TTC29: variants seen among roughly 807,000 people sequenced by gnomAD.
The protein encoded by TTC29 is tetratricopeptide repeat protein 29.
TTC29 carries 49 observed loss-of-function variants against 58.1 expected under a neutral mutation model. That is an observed-to-expected ratio of 0.84 (90% CI 0.67 to 1.07). The LOEUF is 1.07. Ranked by LOEUF, TTC29 falls within the 50% of genes least tolerant of loss-of-function variation. The pLI is 0.00. For missense variants in TTC29, 582 were observed against 555.6 expected, an observed-to-expected ratio of 1.05 and a Z score of -0.48; for synonymous variants, 209 against 196.8, an observed-to-expected ratio of 1.06 and a Z score of -0.52.
At chr4:146,932,260 G>T (rs1038854213) in intron 4 of TTC29, among the ~76,000 whole-genome samples, 2 of 152,124 alleles carry the variant, frequency 1.3e-5, no homozygotes, top group African/African-American at 4.8e-5. Context: ...GGAAACAGGG[G>T]TTCTTCCTTC....
intron 11 of TTC29, among the ~76,000 whole-genome samples, chr4:146,741,117 TAG>T (rs1474792308): frequency 3.9e-5 from 6 of 152,170 alleles, no homozygotes; most frequent in Admixed American, 3.3e-4. Flanking sequence ...TACTTTGCCT[TAG>T]AAATAGAAGA....
At chr4:146,751,854 A>G (rs1007763460) in intron 11 of TTC29, among the ~76,000 whole-genome samples, 3 of 152,188 alleles carry the variant, frequency 2.0e-5, no homozygotes, top group Non-Finnish European at 4.4e-5. Context: ...AAATAAATCA[A>G]ATACAAAATA....
chr4:146,889,226 C>G (rs1166973272), intron 6 of TTC29, among the ~76,000 whole-genome samples: 3 of 152,034 alleles, frequency 2.0e-5, no homozygotes, highest in African/African-American at 7.2e-5. Context: ...TATTGTCTAC[C>G]TCATTAATAG....
intron 11 of TTC29, among the ~76,000 whole-genome samples, chr4:146,784,881 G>T (rs1311957871): frequency 6.6e-6 from 1 of 152,048 alleles, no homozygotes; most frequent in Non-Finnish European, 1.5e-5. Flanking sequence ...TCTACCAAAT[G>T]ATATTTCTTT....
At chr4:146,883,042 C>T (rs1304082330) in intron 6 of TTC29, among the ~76,000 whole-genome samples, 1 of 151,990 alleles carries the variant, frequency 6.6e-6, no homozygotes, top group Non-Finnish European at 1.5e-5. Context: ...GATGAGGAAA[C>T]TGAGCCTCAG....
chr4:146,868,765 G>C (rs958180186), intron 7 of TTC29, among the ~76,000 whole-genome samples: 1 of 152,116 alleles, frequency 6.6e-6, no homozygotes, highest in Non-Finnish European at 1.5e-5. Flanking sequence ...TGGAAAGCAA[G>C]TGATACGGTT....
intron 2 of TTC29, among the ~76,000 whole-genome samples, chr4:146,944,773 G>A (rs1219888666): frequency 6.6e-6 from 1 of 151,400 alleles, no homozygotes; most frequent in African/African-American, 2.4e-5. Flanking sequence ...AAAGTTTAAT[G>A]AAAACTACAG....
intron 6 of TTC29, among the ~76,000 whole-genome samples, chr4:146,875,731 T>C (rs2150224261): frequency 6.6e-6 from 1 of 152,322 alleles, no homozygotes; most frequent in Non-Finnish European, 1.5e-5. Flanking sequence ...TATATGCTGT[T>C]TAGTTTTGGA....
At chr4:146,792,703 A>T (rs1004071023) in intron 11 of TTC29, among the ~76,000 whole-genome samples, 7 of 152,228 alleles carry the variant, frequency 4.6e-5, no homozygotes, top group African/African-American at 1.7e-4. Context: ...ATATTTAAGA[A>T]ATATTTTGTA....
intron 11 of TTC29, among the ~76,000 whole-genome samples, chr4:146,714,003 T>A (rs1234403415): frequency 1.3e-5 from 2 of 152,276 alleles, no homozygotes; most frequent in African/African-American, 2.4e-5. Context: ...AATCCCGCAA[T>A]TTTTTTCTAT....
At chr4:146,709,375 C>T (rs1018250012) in intron 11 of TTC29, among the ~76,000 whole-genome samples, 1 of 152,140 alleles carries the variant, frequency 6.6e-6, no homozygotes, top group African/African-American at 2.4e-5. Context: ...TTCATTGGAA[C>T]CTCCAATTCT....
intron 8 of TTC29, among the ~76,000 whole-genome samples, chr4:146,840,772 T>A (rs1043703319): frequency 1.5e-4 from 23 of 152,276 alleles, no homozygotes; most frequent in South Asian, 1.0e-3. Flanking sequence ...ATAAGAACTC[T>A]ATAATAACTC....
intron 9 of TTC29, among the ~76,000 whole-genome samples, chr4:146,826,833 G>C (rs1355232061): frequency 1.3e-5 from 2 of 150,864 alleles, no homozygotes; most frequent in Non-Finnish European, 2.9e-5. Flanking sequence ...CTCTATTCTT[G>C]TCTGCATGTC....
chr4:146,715,236 G>C (rs1418037856), intron 11 of TTC29, among the ~76,000 whole-genome samples: 4 of 152,048 alleles, frequency 2.6e-5, no homozygotes, highest in African/African-American at 7.2e-5. Flanking sequence ...GAACTATCAT[G>C]CAATCCAGCA....
At chr4:146,715,273 G>A (rs1169773261) in intron 11 of TTC29, among the ~76,000 whole-genome samples, 1 of 152,018 alleles carries the variant, frequency 6.6e-6, no homozygotes, top group Non-Finnish European at 1.5e-5. Context: ...TTTATAAAAA[G>A]GAAATAAAAT....
Position 146,870,418 on chromosome 4 carries a change from C to T in TTC29, c.800-2835G>A, listed in dbSNP as rs9884759. Among the ~76,000 whole-genome samples the T allele has an allele frequency of 2.9e-3, 443 of 151,624 alleles. 2 individuals carry two copies. Among genetic ancestry groups the T allele is most frequent in the African/African-American group, 0.01 (414 of 41,396 alleles). On this transcript the variant is annotated intron_variant, in intron 7 of 12. Coordinates refer to ENST00000325106, the MANE Select transcript of TTC29 (RefSeq NM_031956.4). ...TATTTTAAAATAAGAAAGTTCTTTC[C>T]ACCTTATAAAACTAGAAAAAGAGGA...
intron 6 of TTC29, among the ~76,000 whole-genome samples, chr4:146,902,806 T>C (rs1007124865): frequency 6.6e-6 from 1 of 152,238 alleles, no homozygotes; most frequent in African/African-American, 2.4e-5. Context: ...CAAAGTCCTA[T>C]GCAGTCCTAG....
At position 146,771,236 on chromosome 4, in the gene TTC29, A is replaced by G. The variant is rs539829326; in HGVS notation, c.1330+32221T>C. Among the ~76,000 whole-genome samples, 4 of 152,184 alleles carry G rather than the reference A, an allele frequency of 2.6e-5. No individual in the cohort carries two copies. In the South Asian group the frequency reaches 8.3e-4, roughly 32 times the overall value. ...TATGGTTAGGTTTTAGTCAAAGACTATATGTTGCTCAGATGTTTCTTTGTT... is the reference window on the plus strand; with the variant it reads ...TATGGTTAGGTTTTAGTCAAAGACTGTATGTTGCTCAGATGTTTCTTTGTT... On this transcript the variant is annotated intron_variant, in intron 11 of 12. Coordinates refer to ENST00000325106, the MANE Select transcript of TTC29 (RefSeq NM_031956.4).
chr4:146,878,908 T>C (rs1401362852), intron 6 of TTC29, among the ~76,000 whole-genome samples: 1 of 152,118 alleles, frequency 6.6e-6, no homozygotes, highest in Non-Finnish European at 1.5e-5. Flanking sequence ...TGGAATTCCA[T>C]GGGTACACTC....
Sources: gnomAD v4.1 joint callset for allele counts (sites outside exome capture counted in the v4.1 genomes callset) on GRCh38, gnomAD v4.1.1 for gene constraint, MANE v1.5 for transcripts, NCBI Gene and HGNC (gene_info 2026-07-23, HGNC 2026-07-21) for gene names.